The following RNF138 variants were observed in gnomAD, a reference collection of about 807,000 sequenced individuals.
RNF138 encodes E3 ubiquitin-protein ligase RNF138.
A neutral mutation model predicts 31.0 loss-of-function variants in RNF138; 12 were observed. That is an observed-to-expected ratio of 0.39 (90% confidence interval 0.25 to 0.63). RNF138 has a LOEUF of 0.63. RNF138 is among the 20% of genes least tolerant of loss of function. The probability of loss-of-function intolerance (pLI) is 0.52; values close to 1 mark genes in which losing one functional copy is unlikely to be tolerated. For missense variants in RNF138, 192 were observed against 300.1 expected (o/e 0.64, Z 2.66); for synonymous variants, 105 against 99.5 (o/e 1.06, Z -0.33).
At position 32,092,808 on chromosome 18, in the gene RNF138, A is replaced by G. The variant is rs764761557; in HGVS notation, c.32A>G (p.Tyr11Cys). MAEDLSAATS[Y>C]TEDDFYCPVC... ...GAGGACCTCTCTGCGGCCACGTCCT[A>G]CACCGAAGATGATTTCTACTGCCCC... The change falls in exon 2 of 8, where the codon TAC becomes TGC. Residue 11 changes from tyrosine to cysteine, a missense_variant. Coordinates refer to ENST00000261593, the MANE Select transcript of RNF138 (RefSeq NM_016271.5). 3 of 1,596,980 alleles carry G rather than the reference A, an allele frequency of 1.9e-6. No individual in the cohort carries two copies. Among genetic ancestry groups the G allele is most frequent in the South Asian group, 2.3e-5 (2 of 88,114 alleles).
intron 2 of RNF138, among the ~76,000 whole-genome samples, chr18:32,101,105 C>A (rs1469851858): frequency 4.0e-5 from 6 of 151,876 alleles, no homozygotes; most frequent in African/African-American, 1.2e-4. Flanking sequence ...ATAGAACATT[C>A]TGGGGAGAAG....
chr18:32,126,549 A>G, intron 6 of RNF138, 144 bp from the exon 7 acceptor site: 1 of 514,088 alleles, frequency 1.9e-6, no homozygotes, highest in Non-Finnish European at 3.5e-6. Flanking sequence ...TTGGGAAATG[A>G]TCTAGTCATG....
intron 2 of RNF138, among the ~76,000 whole-genome samples, chr18:32,100,897 G>C (rs1483372498): frequency 6.6e-6 from 1 of 152,144 alleles, no homozygotes; most frequent in Non-Finnish European, 1.5e-5. Flanking sequence ...GAGCCACTGC[G>C]CCTGGCCTGA....
At chr18:32,102,236 C>T (rs1197904510) in intron 2 of RNF138, among the ~76,000 whole-genome samples, 4 of 89,262 alleles carry the variant, frequency 4.5e-5, no homozygotes, top group South Asian at 3.9e-4. Flanking sequence ...GAGTCTTGTT[C>T]TGTCACCCAG....
intron 5 of RNF138, chr18:32,124,079 G>C (rs2040348857): frequency 6.6e-6 from 1 of 152,522 alleles, no homozygotes; most frequent in South Asian, 2.1e-4. Context: ...GAAGAGTTTA[G>C]TTATTCTCTT....
chr18:32,126,682 G>T lies in RNF138; in HGVS notation c.562-11G>T, dbSNP rs1480235598. The T allele has an allele frequency of 6.9e-7, 1 of 1,442,106 alleles. No individual in the cohort carries two copies. The highest frequency in any genetic ancestry group is 9.7e-7 in the Non-Finnish European group (1 of 1,033,582). 89.3% of individuals were successfully genotyped at this position (1,442,106 alleles called of 1,614,324 possible). On this transcript the variant is annotated splice_polypyrimidine_tract_variant and intron_variant, in intron 6 of 7. Coordinates refer to ENST00000261593, the MANE Select transcript of RNF138 (RefSeq NM_016271.5). ...TATTATTTTTTGTTTAAAACAATCT[G>T]TTTCTTATAGACATGTCCTATTTGT... is the stretch of plus-strand genomic sequence containing the variant.
chr18:32,111,630 G>T, intron 2 of RNF138, 124 bp from the exon 3 acceptor site: 1 of 752,270 alleles, frequency 1.3e-6, no homozygotes, highest in East Asian at 2.8e-5. Flanking sequence ...TGAGATTTAT[G>T]TACATATGAG....
chr18:32,113,037 C>T (rs1046930153), intron 3 of RNF138, among the ~76,000 whole-genome samples: 2 of 152,158 alleles, frequency 1.3e-5, no homozygotes, highest in Non-Finnish European at 2.9e-5. Flanking sequence ...GGCTATTCCT[C>T]TCAGTGAGAA....
At position 32,123,563 on chromosome 18, in the gene RNF138, A is replaced by G; in HGVS notation, c.438A>G (p.Gln146=). The change falls in exon 5 of 8, where the codon CAA becomes CAG. Residue 146 remains glutamine (Q), a synonymous_variant. Transcript: ENST00000261593. ...TSTSDNTETY[Q]ENTSSSGHPT... is the part of the protein sequence containing the mutation. ...CATCTGATAACACAGAAACTTACCA[A>G]GAGAATACAAGGTAAGCTTTTGAAA... The G allele has an allele frequency of 6.3e-7, 1 of 1,590,970 alleles. No homozygotes were observed. Among genetic ancestry groups the G allele is most frequent in the Non-Finnish European group, 8.6e-7 (1 of 1,168,886 alleles).
chr18:32,107,388 T>A (rs1438406014), intron 2 of RNF138, among the ~76,000 whole-genome samples: 3 of 152,116 alleles, frequency 2.0e-5, no homozygotes, highest in Admixed American at 1.3e-4. Flanking sequence ...CCCAAAATGC[T>A]GGGATTACAG....
intron 4 of RNF138, among the ~76,000 whole-genome samples, chr18:32,120,603 G>A (rs1598861760): frequency 1.3e-5 from 2 of 152,120 alleles, no homozygotes; most frequent in East Asian, 3.9e-4. Flanking sequence ...AACCTATTCT[G>A]GGCTAAATGA....
chr18:32,092,203 G>C lies in RNF138; in HGVS notation c.-110G>C, dbSNP rs1337442962. ...TCTACGAACACGTGAAGGAAAAGCA[G>C]CTCCGTCCACAACGCCGCTTCGGGG... On this transcript the variant is annotated 5_prime_UTR_variant, in exon 1 of 8. Transcript: ENST00000261593. 1 of 152,594 alleles carries C rather than the reference G, an allele frequency of 6.6e-6. No homozygotes were observed. The highest frequency in any genetic ancestry group is 1.5e-5 in the Non-Finnish European group (1 of 68,158). 9.5% of individuals were successfully genotyped at this position (152,594 alleles called of 1,614,324 possible).
Position 32,130,706 on chromosome 18 carries a change from T to TTAA in RNF138, c.*1521_*1523dup, listed in dbSNP as rs760605100. On this transcript the variant is annotated 3_prime_UTR_variant, in exon 8 of 8. Coordinates refer to ENST00000261593, the MANE Select transcript of RNF138 (RefSeq NM_016271.5). ...TTTTTAACTTGATTTAATAAAAATG[T>TTAA]TAATTTTGGAAGTGCAGTTTTGTAA... 3 of 152,450 alleles carry TTAA rather than the reference T, an allele frequency of 2.0e-5. No individual in the cohort carries two copies. The East Asian group carries it at 5.8e-4, about 29-fold the overall frequency. The allele number at this position is 152,450 out of a possible 1,614,324, so 9.4% of individuals were successfully genotyped here. A position where few individuals can be genotyped will look rare whatever the true frequency, so the allele number is the denominator to read the frequency against.
intron 2 of RNF138, among the ~76,000 whole-genome samples, chr18:32,100,201 G>GATATATATAT (rs34225221): frequency 8.5e-4 from 125 of 146,612 alleles, no homozygotes; most frequent in African/African-American, 2.9e-3. Context: ...TAGTGATTGA[G>GATATATATAT]ATATATATAT....
At chr18:32,098,590 C>A (rs183759739) in intron 2 of RNF138, among the ~76,000 whole-genome samples, 259 of 152,168 alleles carry the variant, frequency 1.7e-3, no homozygotes, top group African/African-American at 5.7e-3. Context: ...CAGTGGCTCA[C>A]GCCTGTCATC....
chr18:32,109,838 A>T (rs539170035), intron 2 of RNF138, among the ~76,000 whole-genome samples: 1 of 152,308 alleles, frequency 6.6e-6, no homozygotes, highest in African/African-American at 2.4e-5. Flanking sequence ...GTGAGCCAAG[A>T]TCGCACCAGT....
At chr18:32,112,382 A>G (rs539203376) in intron 3 of RNF138, among the ~76,000 whole-genome samples, 74 of 152,284 alleles carry the variant, frequency 4.9e-4, no homozygotes, top group East Asian at 5.8e-4. Flanking sequence ...GTATTTATGT[A>G]TGTATTTAAG....
intron 2 of RNF138, among the ~76,000 whole-genome samples, chr18:32,098,144 G>A (rs2039848805): frequency 1.3e-5 from 2 of 151,626 alleles, no homozygotes; most frequent in African/African-American, 4.8e-5. Context: ...GCACCATCAC[G>A]CCCTGCTAAT....
intron 4 of RNF138, among the ~76,000 whole-genome samples, chr18:32,118,592 A>G (rs1270742802): frequency 1.3e-5 from 2 of 151,638 alleles, no homozygotes; most frequent in Admixed American, 1.3e-4. Context: ...GCACTTTGGG[A>G]GGCTGAGGTG....
Sources: allele counts gnomAD v4.1 joint callset (sites outside exome capture counted in the v4.1 genomes callset), GRCh38; gene constraint gnomAD v4.1.1; transcripts MANE v1.5; gene names NCBI Gene and HGNC (gene_info 2026-07-23, HGNC 2026-07-21).